The following SLC4A8 variants were observed in gnomAD, a reference collection of about 807,000 sequenced individuals.
SLC4A8 encodes the protein electroneutral sodium bicarbonate exchanger 1.
A neutral mutation model predicts 125.0 loss-of-function variants in SLC4A8; 40 were observed. The ratio of observed to expected loss-of-function variants is 0.32; its 90% CI spans 0.25 to 0.42. The LOEUF is 0.42. Among genes scored for constraint, SLC4A8 ranks in the 10% least tolerant of loss-of-function variants. The pLI is 1.00. For synonymous variants in SLC4A8, 456 were observed against 476.0 expected (o/e 0.96, Z 0.55); for missense variants, 863 against 1,355.1 (o/e 0.64, Z 5.70).
At chr12:51,416,425 T>C (rs1948689520) in intron 1 of SLC4A8, among the ~76,000 whole-genome samples, 1 of 152,070 alleles carries the variant, frequency 6.6e-6, no homozygotes, top group East Asian at 1.9e-4. Context: ...GGCAGATTGC[T>C]TGAAGCCAGG....
intron 1 of SLC4A8, among the ~76,000 whole-genome samples, chr12:51,432,066 A>C (rs1307277869): frequency 6.6e-5 from 10 of 152,152 alleles, no homozygotes; most frequent in Non-Finnish European, 1.5e-4. Context: ...ACATATGTAA[A>C]ACACAATGTG....
rs746633444 is a variant in SLC4A8 at position 51,450,929 on chromosome 12, C to G, written c.184C>G (p.Arg62Gly). ...VRMPLGRQSH[R>G]HHRTHGQKHR... The stretch of plus-strand genomic sequence containing the variant: ...GATGCCGCTTGGCCGGCAGAGCCAT[C>G]GGCATCACCGCACTCATGGCCAGAA... The change falls in exon 3 of 25, where the codon CGG becomes GGG. Residue 62 changes from arginine (R) to glycine (G), a missense_variant. Physicochemically the swap from Arg to Gly is moderately radical, Grantham distance 125 (BLOSUM62 -2). Coordinates refer to ENST00000453097, the MANE Select transcript of SLC4A8 (RefSeq NM_001039960.3). 5 of 1,610,346 alleles carry G rather than the reference C, an allele frequency of 3.1e-6. No homozygotes were observed. The East Asian group carries it at 1.1e-4, about 36-fold the overall frequency.
At chr12:51,483,324 G>A (rs535784393) in intron 16 of SLC4A8, among the ~76,000 whole-genome samples, 19 of 148,970 alleles carry the variant, frequency 1.3e-4, no homozygotes, top group Middle Eastern at 3.4e-3. Context: ...ATTGCTTCAA[G>A]TGTTTTAAAA....
At position 51,497,046 on chromosome 12, in the gene SLC4A8, G is replaced by A; in HGVS notation, c.3003G>A (p.Leu1001=). The change falls in exon 22 of 25, where the codon CTG becomes CTA. Residue 1001 remains leucine, a synonymous_variant. Transcript: ENST00000453097. ...ATCTCTGTTTCTCTAAGCGAGAGCT[G>A]AGCTGGCTAGATGATCTCATGCCTG... ...VMDLCFSKRE[L]SWLDDLMPES... is the part of the protein sequence containing the mutation. 6.2e-7 allele frequency: 1 copy of A among 1,614,070 alleles called. No individual in the cohort carries two copies. Among genetic ancestry groups the A allele is most frequent in the Non-Finnish European group, 8.5e-7 (1 of 1,179,984 alleles).
At position 51,496,963 on chromosome 12, in the gene SLC4A8, CTTTT is replaced by C. The variant is rs772031770; in HGVS notation, c.2944-17_2944-14del. The C allele has an allele frequency of 7.2e-7, 1 of 1,382,868 alleles. No homozygotes were observed. Among genetic ancestry groups the C allele is most frequent in the Admixed American group, 1.9e-5 (1 of 52,810 alleles). 85.7% of individuals were successfully genotyped at this position (1,382,868 alleles called of 1,614,324 possible). On this transcript the variant is annotated intron_variant, in intron 21 of 24. Coordinates refer to ENST00000453097, the MANE Select transcript of SLC4A8 (RefSeq NM_001039960.3). ...GAAGGAAATTAGTCCCTTTAATTCA[CTTTT>C]TTTTTTAATTTTTCTTCAGGTTTTG...
chr12:51,484,913 G>C (rs1365698512), intron 16 of SLC4A8, among the ~76,000 whole-genome samples: 3 of 152,116 alleles, frequency 2.0e-5, no homozygotes, highest in Non-Finnish European at 4.4e-5. Context: ...GGTGATATTT[G>C]AGTTGAACCT....
chr12:51,442,486 C>A (rs940928480), intron 2 of SLC4A8, among the ~76,000 whole-genome samples: 10 of 152,096 alleles, frequency 6.6e-5, no homozygotes, highest in Admixed American at 3.9e-4. Flanking sequence ...CAACTGGTTC[C>A]ATCCACGGAG....
chr12:51,445,655 G>A (rs1343815580), intron 2 of SLC4A8, among the ~76,000 whole-genome samples: 1 of 151,796 alleles, frequency 6.6e-6, no homozygotes, highest in East Asian at 1.9e-4. Flanking sequence ...CTGTGCACTT[G>A]ATCTTCCCCC....
intron 11 of SLC4A8, among the ~76,000 whole-genome samples, chr12:51,467,073 A>T (rs986732448): frequency 1.1e-4 from 17 of 152,126 alleles, no homozygotes; most frequent in African/African-American, 4.1e-4. Flanking sequence ...TAATAATCGC[A>T]TGGTAATAAG....
At chr12:51,466,941 GTA>G (rs573998064) in intron 11 of SLC4A8, among the ~76,000 whole-genome samples, 225 of 37,502 alleles carry the variant, frequency 6.0e-3, no homozygotes, top group African/African-American at 0.015. Flanking sequence ...TAGCCTCAGA[GTA>G]TGTGTGTGTG....
At chr12:51,501,145 A>G (rs1937864666) in intron 22 of SLC4A8, among the ~76,000 whole-genome samples, 1 of 152,148 alleles carries the variant, frequency 6.6e-6, no homozygotes, top group African/African-American at 2.4e-5. Flanking sequence ...TTTTCTAAGA[A>G]AACATTTTAT....
At chr12:51,403,791 C>A (rs904641140) in intron 1 of SLC4A8, among the ~76,000 whole-genome samples, 15 of 152,276 alleles carry the variant, frequency 9.9e-5, no homozygotes, top group African/African-American at 3.6e-4. Context: ...TGAGATTCTT[C>A]CCATGTCAGC....
At chr12:51,444,591 T>A (rs1470055291) in intron 2 of SLC4A8, among the ~76,000 whole-genome samples, 1 of 152,208 alleles carries the variant, frequency 6.6e-6, no homozygotes, top group Non-Finnish European at 1.5e-5. Context: ...CAAAACCATA[T>A]ATTATTCACT....
chr12:51,417,911 C>T (rs1948718495), intron 1 of SLC4A8, among the ~76,000 whole-genome samples: 1 of 152,218 alleles, frequency 6.6e-6, no homozygotes, highest in Non-Finnish European at 1.5e-5. Context: ...CTTGGCCTCC[C>T]AAAGTGCTGG....
chr12:51,500,066 G>T (rs1263237938), intron 22 of SLC4A8, among the ~76,000 whole-genome samples: 2 of 152,206 alleles, frequency 1.3e-5, no homozygotes, highest in Admixed American at 1.3e-4. Context: ...GGGCATGGGT[G>T]AAAGAGGAAT....
chr12:51,445,536 T>C (rs1413736835), intron 2 of SLC4A8, among the ~76,000 whole-genome samples: 6 of 152,284 alleles, frequency 3.9e-5, no homozygotes, highest in African/African-American at 1.4e-4. Context: ...TGCCCCTGCC[T>C]GTTTTTCTGT....
intron 1 of SLC4A8, among the ~76,000 whole-genome samples, chr12:51,405,073 G>A (rs1948460828): frequency 1.3e-5 from 2 of 152,348 alleles, no homozygotes; most frequent in African/African-American, 4.8e-5. Flanking sequence ...CTTAGGAAAT[G>A]ATGCTTCTGA....
chr12:51,507,454 T>A lies in SLC4A8; in HGVS notation c.*16T>A. On this transcript the variant is annotated 3_prime_UTR_variant, in exon 25 of 25. Transcript: ENST00000453097. Reference sequence around the variant, plus strand: ...CTTCAACTAAGAGTCTTTGCTGGGATGGAAGATTTGGGCCGTGTGGTGCCT... The same window carrying A: ...CTTCAACTAAGAGTCTTTGCTGGGAAGGAAGATTTGGGCCGTGTGGTGCCT... 1 of 1,390,118 alleles carries A rather than the reference T, an allele frequency of 7.2e-7. No homozygotes were observed. 86.1% of individuals were successfully genotyped at this position (1,390,118 alleles called of 1,614,324 possible). A position where few individuals can be genotyped will look rare whatever the true frequency, so the allele number is the denominator to read the frequency against.
chr12:51,441,040 A>G (rs1435716804), intron 2 of SLC4A8: 2 of 1,154,266 alleles, frequency 1.7e-6, no homozygotes, highest in East Asian at 4.6e-5. Context: ...GTGAAGTCCA[A>G]TATAAATATT....
Sources: gnomAD v4.1 joint callset for allele counts (sites outside exome capture counted in the v4.1 genomes callset) on GRCh38, gnomAD v4.1.1 for gene constraint, MANE v1.5 for transcripts, NCBI Gene and HGNC (gene_info 2026-07-23, HGNC 2026-07-21) for gene names.